RBPJ: variants seen among roughly 807,000 people sequenced by gnomAD.
RBPJ encodes the protein recombination signal binding protein for immunoglobulin kappa J region, also known as recombining binding protein suppressor of hairless.
Under a neutral mutation model 67.8 loss-of-function variants are expected in RBPJ, and 9 were observed. That is an observed-to-expected ratio of 0.13 (90% CI 0.08 to 0.23). RBPJ has a LOEUF of 0.23. RBPJ is among the 10% of genes least tolerant of loss of function. RBPJ has a pLI of 1.00. For missense variants in RBPJ, 305 were observed against 595.6 expected, an observed-to-expected ratio of 0.51 and a Z score of 5.08; for synonymous variants, 198 against 203.3, an observed-to-expected ratio of 0.97 and a Z score of 0.22.
chr4:26,428,173 A>G (rs188743553), intron 7 of RBPJ, among the ~76,000 whole-genome samples: 1 of 152,326 alleles, frequency 6.6e-6, no homozygotes, highest in East Asian at 1.9e-4. Flanking sequence ...TAAGTTTTGG[A>G]TAATAGATAT....
chr4:26,229,632 G>A (rs577251423), intron 1 of RBPJ, among the ~76,000 whole-genome samples: 2 of 152,164 alleles, frequency 1.3e-5, no homozygotes, highest in Non-Finnish European at 2.9e-5. Flanking sequence ...ACCAGAGCTG[G>A]GTTTACATCC....
At chr4:26,134,350 G>T in the RBPJ span, among the ~76,000 whole-genome samples, 8 of 152,250 alleles carry the variant, frequency 5.3e-5, no homozygotes, top group South Asian at 8.3e-4. Flanking sequence ...GGAAGCTCTT[G>T]TTCAAAAGCT....
At position 26,430,316 on chromosome 4, in the gene RBPJ, C is replaced by A; in HGVS notation, c.1045-103C>A. ...TGTAATAAAAAACATTTTAATTGCC[C>A]TTTTTTAAAAAAAACAAATGAAAGT... On this transcript the variant is annotated intron_variant, in intron 9 of 10. Coordinates refer to ENST00000355476, the MANE Select transcript of RBPJ (RefSeq NM_015874.6). This position sits in a 1 kb window ranked among gnomAD's most constrained non-coding sequence, Gnocchi z 4.1. 1 of 1,067,488 alleles carries A rather than the reference C, an allele frequency of 9.4e-7. No individual in the cohort carries two copies. The highest frequency in any genetic ancestry group is 1.4e-6 in the Non-Finnish European group (1 of 711,830). 66.1% of individuals were successfully genotyped at this position (1,067,488 alleles called of 1,614,324 possible). A position where few individuals can be genotyped will look rare whatever the true frequency, so the allele number is the denominator to read the frequency against.
chr4:26,238,209 G>A (rs1165161735), intron 1 of RBPJ, among the ~76,000 whole-genome samples: 2 of 152,052 alleles, frequency 1.3e-5, no homozygotes, highest in African/African-American at 2.4e-5. Flanking sequence ...CCACAGGCGC[G>A]CACCACCGTG....
chr4:26,221,370 A>G (rs1414200466), intron 1 of RBPJ, among the ~76,000 whole-genome samples: 3 of 152,214 alleles, frequency 2.0e-5, no homozygotes, highest in South Asian at 2.1e-4. Flanking sequence ...GATTACAGGC[A>G]GGAGCCACCG....
chr4:26,427,733 C>T (rs988759512), intron 7 of RBPJ, among the ~76,000 whole-genome samples: 4 of 152,026 alleles, frequency 2.6e-5, no homozygotes, highest in Non-Finnish European at 1.5e-5. Flanking sequence ...GAGGAAGAGG[C>T]GTTTGCAGAA....
chr4:26,333,898 C>T (rs886562162), intron 1 of RBPJ, among the ~76,000 whole-genome samples: 1 of 152,100 alleles, frequency 6.6e-6, no homozygotes, highest in Non-Finnish European at 1.5e-5. Flanking sequence ...AACACCTGGG[C>T]TCAAGCGATC....
At chr4:26,171,305 G>A (rs1329138151) in intron 1 of RBPJ, among the ~76,000 whole-genome samples, 2 of 152,064 alleles carry the variant, frequency 1.3e-5, no homozygotes, top group African/African-American at 4.8e-5. Flanking sequence ...ACATGTCACT[G>A]TACAGTATAC....
the RBPJ span, among the ~76,000 whole-genome samples, chr4:26,125,591 G>A: frequency 2.0e-5 from 3 of 152,216 alleles, no homozygotes; most frequent in South Asian, 6.2e-4. Flanking sequence ...TTGAGGTCAG[G>A]AGTTCAAGAT....
At chr4:26,383,167 T>A (rs967917745) in intron 1 of RBPJ, among the ~76,000 whole-genome samples, 1 of 152,184 alleles carries the variant, frequency 6.6e-6, no homozygotes, top group Non-Finnish European at 1.5e-5. Context: ...ATATTTTCTG[T>A]GGGGCAGGAG....
At chr4:26,316,500 C>CATATATATTCAT (rs1553860988), upstream of RBPJ, among the ~76,000 whole-genome samples, 7 of 73,608 alleles carry the variant, frequency 9.5e-5, no homozygotes, top group Non-Finnish European at 1.9e-4. Context: ...TATATATATT[C>CATATATATTCAT]ATATATATTC....
chr4:26,371,683 A>T (rs1378509106), intron 1 of RBPJ, among the ~76,000 whole-genome samples: 1 of 152,202 alleles, frequency 6.6e-6, no homozygotes, highest in African/African-American at 2.4e-5. Context: ...ATTGCTTCAT[A>T]TTCTCAAATT....
At chr4:26,358,957 AAAGT>A (rs768211277) in intron 1 of RBPJ, among the ~76,000 whole-genome samples, 1 of 152,140 alleles carries the variant, frequency 6.6e-6, no homozygotes, top group Non-Finnish European at 1.5e-5. Context: ...TCAAAAGGAG[AAAGT>A]AAGTCACCTA....
the RBPJ span, among the ~76,000 whole-genome samples, chr4:26,109,817 T>C: frequency 6.6e-6 from 1 of 151,666 alleles, no homozygotes; most frequent in Non-Finnish European, 1.5e-5. Context: ...AATATATCTT[T>C]ATAACAATAA....
At chr4:26,231,115 G>A (rs1250695840) in intron 1 of RBPJ, among the ~76,000 whole-genome samples, 1 of 152,146 alleles carries the variant, frequency 6.6e-6, no homozygotes, top group African/African-American at 2.4e-5. Context: ...TATTTACCAA[G>A]TCTGTTTATT....
intron 2 of RBPJ, among the ~76,000 whole-genome samples, chr4:26,392,162 G>A (rs1731569888): frequency 6.6e-6 from 1 of 152,206 alleles, no homozygotes. Flanking sequence ...CTGTTAAAAT[G>A]TCTGAAATTT....
rs143683649 is a variant in RBPJ at position 26,279,523 on chromosome 4, G to A, written c.-166-82923G>A. ...AATCTCTTGACCTCGTGATCCACCC[G>A]CCTCGGCCTCCCAAAGCGTTGGGAT... On this transcript the variant is annotated intron_variant, in intron 1 of 4. Transcript: ENST00000512351. Among the ~76,000 whole-genome samples, 1,229 of 152,226 alleles carry A rather than the reference G, an allele frequency of 8.1e-3. 13 individuals carry two copies. Among genetic ancestry groups the A allele is most frequent in the African/African-American group, 0.028 (1,171 of 41,526 alleles).
At chr4:26,270,437 G>GAAAGAA (rs757127437) in intron 1 of RBPJ, among the ~76,000 whole-genome samples, 439 of 30,246 alleles carry the variant, frequency 0.015, 71 homozygotes, top group African/African-American at 0.029. Flanking sequence ...AAGAAAGAAA[G>GAAAGAA]AAGAAAGAAA....
Position 26,231,841 on chromosome 4 carries a change from G to A in RBPJ, c.-167+68227G>A, listed in dbSNP as rs959740599. On this transcript the variant is annotated intron_variant, in intron 1 of 4. Coordinates refer to the RBPJ transcript ENST00000512351. ...TGGGATTATAAGCGTGAGCCACTGC[G>A]CCTGACCTTATGCTTTATTTTTTTT... Among the ~76,000 whole-genome samples the A allele has an allele frequency of 4.6e-5, 7 of 151,772 alleles. No individual in the cohort carries two copies. In the East Asian group the frequency reaches 7.8e-4, roughly 17 times the overall value.
Sources: allele counts gnomAD v4.1 joint callset (sites outside exome capture counted in the v4.1 genomes callset), GRCh38; gene constraint gnomAD v4.1.1; non-coding constraint Gnocchi (gnomAD v3.1); transcripts MANE v1.5; gene names NCBI Gene and HGNC (gene_info 2026-07-23, HGNC 2026-07-21).